Variants in DISC1 observed in about 807,000 individuals in gnomAD.
DISC1 encodes the protein DISC1 scaffold protein, also known as disrupted in schizophrenia 1 protein.
A neutral mutation model predicts 84.5 loss-of-function variants in DISC1; 57 were observed. That is an observed-to-expected ratio of 0.67 (90% confidence interval 0.55 to 0.84). The LOEUF (loss-of-function observed/expected upper bound fraction) is 0.84, where lower values mean the gene tolerates loss of function less well. DISC1 is among the 40% of genes least tolerant of loss of function. DISC1 has a pLI of 0.00. For missense variants in DISC1, 1,000 were observed against 1,057.8 expected, an observed-to-expected ratio of 0.95 and a Z score of 0.76; for synonymous variants, 411 against 415.2, an observed-to-expected ratio of 0.99 and a Z score of 0.12.
intron 8 of DISC1, among the ~76,000 whole-genome samples, chr1:231,809,750 A>C (rs942649512): frequency 7.2e-5 from 11 of 152,164 alleles, no homozygotes; most frequent in Non-Finnish European, 1.3e-4. Context: ...CAATAATGAA[A>C]GTAGTTTTTT....
chr1:231,627,052 G>C, intron 1 of DISC1, 118 bp downstream of exon 1: 2 of 651,982 alleles, frequency 3.1e-6, no homozygotes, highest in Non-Finnish European at 4.8e-6. Context: ...AACCCCTTTC[G>C]AGGTGAGGGA....
At chr1:231,950,624 C>T (rs542500816) in intron 9 of DISC1, among the ~76,000 whole-genome samples, 5 of 152,160 alleles carry the variant, frequency 3.3e-5, no homozygotes, top group South Asian at 2.1e-4. Context: ...TTGACTTGTG[C>T]GGATTTATTA....
intron 10 of DISC1, among the ~76,000 whole-genome samples, chr1:232,002,019 G>A (rs917604934): frequency 2.6e-5 from 4 of 152,140 alleles, no homozygotes; most frequent in Non-Finnish European, 5.9e-5. Flanking sequence ...AATGTACAAA[G>A]TCTCAAAACC....
intron 4 of DISC1, 64 bp downstream of exon 4, chr1:231,750,140 A>G (rs768658955): frequency 6.4e-7 from 1 of 1,571,948 alleles, no homozygotes; most frequent in Non-Finnish European, 8.6e-7. Flanking sequence ...GCTCCCACAT[A>G]GTGAAGAGCT....
intron 3 of DISC1, chr1:231,722,505 T>C: frequency 6.2e-7 from 1 of 1,614,044 alleles, no homozygotes; most frequent in Non-Finnish European, 8.5e-7. Context: ...TCTGTGTCCA[T>C]TCCACTCAGA....
chr1:231,719,906 G>T (rs567904689), intron 3 of DISC1, among the ~76,000 whole-genome samples: 22 of 152,164 alleles, frequency 1.4e-4, no homozygotes, highest in Non-Finnish European at 2.2e-4. Context: ...GCCATGTATT[G>T]GGTGGAATGA....
intron 10 of DISC1, among the ~76,000 whole-genome samples, chr1:231,978,419 T>C (rs1436579988): frequency 3.9e-5 from 6 of 152,242 alleles, no homozygotes; most frequent in Non-Finnish European, 8.8e-5. Flanking sequence ...AATTCTTATA[T>C]AAAAAAATAA....
At chr1:231,958,978 G>A in intron 10 of DISC1, 90 bp downstream of exon 10, 1 of 1,493,764 alleles carries the variant, frequency 6.7e-7, no homozygotes, top group Non-Finnish European at 8.9e-7. Flanking sequence ...GAAAAAGGCT[G>A]GCCAGTTTCT....
chr1:231,779,549 GTTTTTTTTTTTTT>G (rs762129889), intron 6 of DISC1, among the ~76,000 whole-genome samples: 6 of 53,580 alleles, frequency 1.1e-4, no homozygotes, highest in African/African-American at 3.0e-4. Flanking sequence ...ACCTATTCTT[GTTTTTTTTTTTTT>G]TTTTTTTTTT....
chr1:231,712,034 G>A (rs1235639606), intron 3 of DISC1, among the ~76,000 whole-genome samples: 1 of 152,266 alleles, frequency 6.6e-6, no homozygotes, highest in East Asian at 1.9e-4. Context: ...TCTGAGAGAC[G>A]CAGTGGGAGA....
At chr1:231,646,483 C>G (rs979476717) in intron 1 of DISC1, among the ~76,000 whole-genome samples, 6 of 152,108 alleles carry the variant, frequency 3.9e-5, no homozygotes, top group African/African-American at 1.4e-4. Flanking sequence ...ATGTGTCTTT[C>G]TAGTAGCATG....
chr1:231,872,996 C>A (rs887850995), intron 9 of DISC1, among the ~76,000 whole-genome samples: 1 of 152,190 alleles, frequency 6.6e-6, no homozygotes, highest in Non-Finnish European at 1.5e-5. Context: ...AGATGTATTC[C>A]AGGCATCCGT....
At chr1:231,765,195 C>CAAAAAAAAAAAAAAA (rs71179793) in intron 4 of DISC1, among the ~76,000 whole-genome samples, 1 of 93,302 alleles carries the variant, frequency 1.1e-5, no homozygotes, top group Non-Finnish European at 2.0e-5. Flanking sequence ...GTCCACCCTA[C>CAAAAAAAAAAAAAAA]AAAAAAAAAA....
In DISC1 at chr1:231,849,732, G is replaced by A. The variant is rs138477032; in HGVS notation, c.1981+31215G>A. ...TATTATACAAGCTCGTGAAAGAGTCGGATACCTTTTCTGATCCTCAATATA... is the reference window on the plus strand; with the variant it reads ...TATTATACAAGCTCGTGAAAGAGTCAGATACCTTTTCTGATCCTCAATATA... On this transcript the variant is annotated intron_variant, in intron 9 of 12. Transcript: ENST00000439617. Among the ~76,000 whole-genome samples the A allele has an allele frequency of 3.3e-5, 5 of 152,190 alleles. No individual in the cohort carries two copies. In the East Asian group the frequency reaches 9.7e-4, roughly 29 times the overall value.
intron 1 of DISC1, among the ~76,000 whole-genome samples, chr1:231,677,210 C>T (rs890056704): frequency 2.0e-5 from 3 of 152,142 alleles, no homozygotes; most frequent in African/African-American, 7.2e-5. Flanking sequence ...TTCGCCCATA[C>T]CCATTTATTT....
chr1:231,836,707 T>G (rs2082653873), intron 9 of DISC1, among the ~76,000 whole-genome samples: 2 of 152,166 alleles, frequency 1.3e-5, no homozygotes, highest in African/African-American at 4.8e-5. Flanking sequence ...CCCTTATCTA[T>G]CCACACATTC....
chr1:231,648,014 AT>A (rs1203076162), intron 1 of DISC1, among the ~76,000 whole-genome samples: 1 of 152,244 alleles, frequency 6.6e-6, no homozygotes, highest in Non-Finnish European at 1.5e-5. Flanking sequence ...AACAGGGACA[AT>A]TTAACTTCCT....
In DISC1 at chr1:231,920,579, T is replaced by A. The variant is rs2089933763; in HGVS notation, c.1982-38249T>A. Among the ~76,000 whole-genome samples, 3 of 152,346 alleles carry A rather than the reference T, an allele frequency of 2.0e-5. No individual in the cohort carries two copies. In the South Asian group the frequency reaches 6.2e-4, roughly 32 times the overall value. The stretch of plus-strand genomic sequence containing the variant: ...TAACGTCCTTAAGGTTTGTCTGTGT[T>A]GCAGCGCATGTCAGAACTTCCTTCC... On this transcript the variant is annotated intron_variant, in intron 9 of 12. Transcript: ENST00000439617.
At chr1:231,722,734 A>T in intron 3 of DISC1, 1 of 1,535,174 alleles carries the variant, frequency 6.5e-7, no homozygotes, top group South Asian at 1.2e-5. Flanking sequence ...TCAGGGTAGC[A>T]TCATATTCCT....
Sources: allele counts gnomAD v4.1 joint callset (sites outside exome capture counted in the v4.1 genomes callset), GRCh38; gene constraint gnomAD v4.1.1; transcripts MANE v1.5; gene names NCBI Gene and HGNC (gene_info 2026-07-23, HGNC 2026-07-21).